The following SHROOM3 variants were observed in gnomAD, a reference collection of about 807,000 sequenced individuals.
SHROOM3 encodes shroom family member 3.
In SHROOM3, 47 loss-of-function variants were observed where a neutral mutation model predicts 138.6. The ratio of observed to expected loss-of-function variants is 0.34; its 90% CI spans 0.27 to 0.43. The LOEUF (loss-of-function observed/expected upper bound fraction) is 0.43, where lower values mean the gene tolerates loss of function less well. SHROOM3 is among the 20% of genes least tolerant of loss of function. The pLI is 1.00. For synonymous variants in SHROOM3, 1,062 were observed against 1,063.3 expected, an observed-to-expected ratio of 1.00 and a Z score of 0.02; for missense variants, 2,491 against 2,596.5, an observed-to-expected ratio of 0.96 and a Z score of 0.88.
Position 76,739,118 on chromosome 4 carries a change from G to T in SHROOM3, c.945G>T (p.Arg315Ser), listed in dbSNP as rs752977945. The T allele has an allele frequency of 6.2e-7, 1 of 1,614,232 alleles. No homozygotes were observed. The highest frequency in any genetic ancestry group is 1.7e-5 in the Admixed American group (1 of 60,032). ...RYVKTVYDTRRGVSAEYEVNS... is the reference protein window; with the variant it reads ...RYVKTVYDTRSGVSAEYEVNS... Reference sequence around the variant, plus strand: ...TCAAGACAGTCTATGACACCCGGAGGGGAGTCTCAGCAGAGTATGAGGTGA... The same window carrying T: ...TCAAGACAGTCTATGACACCCGGAGTGGAGTCTCAGCAGAGTATGAGGTGA... The change falls in exon 5 of 11, where the codon AGG (arginine) becomes AGT (serine). Residue 315 changes from arginine (R) to serine (S), a missense_variant. By Grantham distance (110) the Arg-to-Ser change is moderately radical. Transcript: ENST00000296043.
At chr4:76,580,355 T>A (rs1734023512) in intron 2 of SHROOM3, among the ~76,000 whole-genome samples, 1 of 152,088 alleles carries the variant, frequency 6.6e-6, no homozygotes, top group Non-Finnish European at 1.5e-5. Context: ...ATCCAATATG[T>A]GCAGTAGTGT....
intron 2 of SHROOM3, among the ~76,000 whole-genome samples, chr4:76,575,974 C>T (rs1423491694): frequency 1.3e-5 from 2 of 152,048 alleles, no homozygotes; most frequent in Non-Finnish European, 2.9e-5. Flanking sequence ...GTTAAAATGG[C>T]TTATATCCAA....
chr4:76,612,233 C>G (rs916306528), intron 2 of SHROOM3, among the ~76,000 whole-genome samples: 3 of 152,158 alleles, frequency 2.0e-5, no homozygotes, highest in Non-Finnish European at 4.4e-5. Flanking sequence ...TGCATGTATC[C>G]TGCTTCTCTC....
chr4:76,540,993 T>A (rs1326632483), intron 1 of SHROOM3, among the ~76,000 whole-genome samples: 1 of 152,232 alleles, frequency 6.6e-6, no homozygotes, highest in African/African-American at 2.4e-5. Context: ...TATATACTTG[T>A]AAAATGCATG....
At position 76,781,038 on chromosome 4, in the gene SHROOM3, G is replaced by A. The variant is rs1198908559; in HGVS notation, c.*1861G>A. 1 of 152,172 alleles carries A rather than the reference G, an allele frequency of 6.6e-6. No individual in the cohort carries two copies. The highest frequency in any genetic ancestry group is 2.4e-5 in the African/African-American group (1 of 41,442). The allele number at this position is 152,172 out of a possible 1,614,324, so 9.4% of individuals were successfully genotyped here. On this transcript the variant is annotated 3_prime_UTR_variant, in exon 11 of 11. Coordinates refer to ENST00000296043, the MANE Select transcript of SHROOM3 (RefSeq NM_020859.4). ...TAGTGAAATTCCTCAGAGGAATCCAGGGGGCTCCCAGTTCCCAACACTCTT... is the reference window on the plus strand; with the variant it reads ...TAGTGAAATTCCTCAGAGGAATCCAAGGGGCTCCCAGTTCCCAACACTCTT...
intron 2 of SHROOM3, among the ~76,000 whole-genome samples, chr4:76,623,654 C>CT (rs1292234703): frequency 3.9e-5 from 6 of 152,272 alleles, no homozygotes; most frequent in East Asian, 3.9e-4. Flanking sequence ...TCCTAAAGCA[C>CT]TTTTTTTCCC....
intron 1 of SHROOM3, among the ~76,000 whole-genome samples, chr4:76,523,433 G>C (rs2110011806): frequency 6.6e-6 from 1 of 152,310 alleles, no homozygotes; most frequent in African/African-American, 2.4e-5. Flanking sequence ...GAGGGAGAGG[G>C]AGGGTGTATA....
intron 2 of SHROOM3, among the ~76,000 whole-genome samples, chr4:76,701,286 T>C (rs1489732563): frequency 6.6e-6 from 1 of 152,176 alleles, no homozygotes; most frequent in Non-Finnish European, 1.5e-5. Context: ...GCTTCCCCTT[T>C]AAAGAGGCTT....
intron 2 of SHROOM3, among the ~76,000 whole-genome samples, chr4:76,567,447 A>G (rs142430020): frequency 0.016 from 2,408 of 152,216 alleles, 68 homozygotes; most frequent in African/African-American, 0.055. Flanking sequence ...TCAGGAGATC[A>G]AGACCATCCT....
intron 2 of SHROOM3, among the ~76,000 whole-genome samples, chr4:76,569,664 A>G (rs1163644600): frequency 6.8e-6 from 1 of 148,092 alleles, no homozygotes; most frequent in African/African-American, 2.5e-5. Flanking sequence ...ACATCTTTCC[A>G]GTTTTCCTAG....
At chr4:76,677,877 A>T (rs369447562) in intron 2 of SHROOM3, among the ~76,000 whole-genome samples, 97 of 152,356 alleles carry the variant, frequency 6.4e-4, no homozygotes, top group African/African-American at 2.3e-3. Context: ...TGTGCTTAAA[A>T]GCAAATAAAC....
At chr4:76,490,182 A>G (rs1351929000) in intron 1 of SHROOM3, among the ~76,000 whole-genome samples, 2 of 152,192 alleles carry the variant, frequency 1.3e-5, no homozygotes, top group African/African-American at 4.8e-5. Context: ...AAAGCAACCA[A>G]TCAGAGGCTA....
chr4:76,530,049 C>T (rs1358797168), intron 1 of SHROOM3, among the ~76,000 whole-genome samples: 1 of 152,128 alleles, frequency 6.6e-6, no homozygotes, highest in Non-Finnish European at 1.5e-5. Flanking sequence ...TGCTGGGGGT[C>T]CTGATCTAGT....
intron 1 of SHROOM3, among the ~76,000 whole-genome samples, chr4:76,472,514 T>G (rs775595703): frequency 6.6e-6 from 1 of 152,164 alleles, no homozygotes; most frequent in Non-Finnish European, 1.5e-5. Context: ...AAATTCCATT[T>G]CTTGACCTGG....
At chr4:76,456,319 A>G (rs1731026195) in intron 1 of SHROOM3, among the ~76,000 whole-genome samples, 2 of 152,312 alleles carry the variant, frequency 1.3e-5, no homozygotes, top group African/African-American at 4.8e-5. Flanking sequence ...TGTATACTTT[A>G]CATCATCTCT....
In SHROOM3 at chr4:76,759,562, C is replaced by A. The variant is rs764908680; in HGVS notation, c.5216C>A (p.Ala1739Glu). ...TGGCCCAGGAATGAAGACAAGGAAG[C>A]AGTGAGCATGTTGGTTAACTGCCCT... ...CEGKRNEDKE[A>E]VSMLVNCPAY... The change falls in exon 9 of 11, where the codon GCA (alanine) becomes GAA (glutamate). Residue 1739 changes from alanine to glutamate, a missense_variant. Transcript: ENST00000296043. 1 of 1,614,100 alleles carries A rather than the reference C, an allele frequency of 6.2e-7. No individual in the cohort carries two copies. Among genetic ancestry groups the A allele is most frequent in the South Asian group, 1.1e-5 (1 of 91,080 alleles).
intron 1 of SHROOM3, among the ~76,000 whole-genome samples, chr4:76,465,623 C>T (rs1560514584): frequency 6.6e-6 from 1 of 152,218 alleles, no homozygotes; most frequent in South Asian, 2.1e-4. Flanking sequence ...GCTCTCTTCT[C>T]CTATTTCTGA....
chr4:76,738,678 A>C, intron 4 of SHROOM3, 83 bp from the exon 5 acceptor site: 1 of 1,523,096 alleles, frequency 6.6e-7, no homozygotes, highest in Non-Finnish European at 9.1e-7. Context: ...GCACAAGAGA[A>C]CATTTATAAG....
At chr4:76,535,970 G>A (rs977896468) in intron 1 of SHROOM3, among the ~76,000 whole-genome samples, 4 of 152,222 alleles carry the variant, frequency 2.6e-5, no homozygotes, top group South Asian at 2.1e-4. Flanking sequence ...GGATGTAGGG[G>A]TGGGTTACAG....
Sources: allele counts gnomAD v4.1 joint callset (sites outside exome capture counted in the v4.1 genomes callset), GRCh38; gene constraint gnomAD v4.1.1; transcripts MANE v1.5; gene names NCBI Gene and HGNC (gene_info 2026-07-23, HGNC 2026-07-21).